Variants in SYT1 observed in about 807,000 individuals in gnomAD.
SYT1 encodes the protein synaptotagmin 1, also known as synaptotagmin-1.
In SYT1, 8 loss-of-function variants were observed where a neutral mutation model predicts 44.8. The ratio of observed to expected loss-of-function variants is 0.18; its 90% confidence interval spans 0.10 to 0.32. The LOEUF is 0.32. Among genes scored for constraint, SYT1 ranks in the 10% least tolerant of loss-of-function variants. The pLI is 1.00. For missense variants in SYT1, 286 were observed against 509.3 expected (o/e 0.56, Z 4.22); for synonymous variants, 154 against 188.8 (o/e 0.82, Z 1.51).
At chr12:79,421,180 A>G (rs545078455) in intron 9 of SYT1, among the ~76,000 whole-genome samples, 7 of 152,280 alleles carry the variant, frequency 4.6e-5, no homozygotes, top group Admixed American at 3.9e-4. Context: ...ATGAATAAAT[A>G]ATAACATTTT....
intron 9 of SYT1, among the ~76,000 whole-genome samples, chr12:79,417,541 T>G (rs909108240): frequency 6.6e-6 from 1 of 152,126 alleles, no homozygotes; most frequent in Non-Finnish European, 1.5e-5. Context: ...AATCTCATTA[T>G]GCCTCTCTCC....
chr12:79,239,662 A>G (rs1254618619), intron 4 of SYT1, among the ~76,000 whole-genome samples: 1 of 152,224 alleles, frequency 6.6e-6, no homozygotes, highest in Non-Finnish European at 1.5e-5. Flanking sequence ...CACAACGTTT[A>G]TTATCTCACA....
At chr12:79,437,021 T>C (rs1358480987) in intron 9 of SYT1, among the ~76,000 whole-genome samples, 1 of 152,052 alleles carries the variant, frequency 6.6e-6, no homozygotes, top group East Asian at 1.9e-4. Context: ...AACTAAGCTT[T>C]AGATGAGGAA....
chr12:79,291,789 A>G, intron 5 of SYT1: 2 of 655,800 alleles, frequency 3.0e-6, no homozygotes, highest in Admixed American at 2.1e-5. Context: ...GGCTTCTTCC[A>G]TCGCTTCCAT....
intron 8 of SYT1, among the ~76,000 whole-genome samples, chr12:79,309,587 C>G (rs1334684882): frequency 3.3e-5 from 5 of 152,052 alleles, no homozygotes; most frequent in Admixed American, 3.3e-4. Context: ...ATTCTTAAGA[C>G]CTGAGGAATA....
intron 1 of SYT1, among the ~76,000 whole-genome samples, chr12:78,876,576 T>C (rs1477371658): frequency 2.9e-5 from 4 of 138,406 alleles, no homozygotes; most frequent in Admixed American, 7.8e-5. Flanking sequence ...TACACACATA[T>C]ACACACACAC....
intron 2 of SYT1, among the ~76,000 whole-genome samples, chr12:78,990,395 T>G (rs1414133428): frequency 2.0e-5 from 3 of 152,194 alleles, no homozygotes; most frequent in Admixed American, 2.0e-4. Flanking sequence ...TTTTTCTGAC[T>G]TTAAAAACTA....
intron 1 of SYT1, among the ~76,000 whole-genome samples, chr12:78,933,280 A>C (rs1877856265): frequency 6.6e-6 from 1 of 152,162 alleles, no homozygotes; most frequent in Non-Finnish European, 1.5e-5. Context: ...GTCTTGTCTA[A>C]AATGAATTTG....
At chr12:79,386,884 T>A (rs1017309380) in intron 9 of SYT1, among the ~76,000 whole-genome samples, 1 of 152,148 alleles carries the variant, frequency 6.6e-6, no homozygotes, top group African/African-American at 2.4e-5. Context: ...GTGTGCACTC[T>A]CCTTATCTTT....
At chr12:79,202,930 G>A (rs181663648) in intron 3 of SYT1, among the ~76,000 whole-genome samples, 1 of 152,236 alleles carries the variant, frequency 6.6e-6, no homozygotes, top group African/African-American at 2.4e-5. Context: ...TTTACAGAAT[G>A]TAGGGAAGAC....
intron 3 of SYT1, among the ~76,000 whole-genome samples, chr12:79,115,066 C>T (rs1879206211): frequency 6.6e-6 from 1 of 152,132 alleles, no homozygotes; most frequent in African/African-American, 2.4e-5. Flanking sequence ...TGCAATTATT[C>T]TGTTATGCCT....
chr12:79,430,711 C>T (rs945755599), intron 9 of SYT1, among the ~76,000 whole-genome samples: 6 of 152,132 alleles, frequency 3.9e-5, no homozygotes, highest in Admixed American at 2.6e-4. Flanking sequence ...CACTTGAGCC[C>T]GGAGGTTGAG....
intron 4 of SYT1, among the ~76,000 whole-genome samples, chr12:79,258,548 G>A (rs1309525319): frequency 6.6e-6 from 1 of 152,184 alleles, no homozygotes; most frequent in Non-Finnish European, 1.5e-5. Context: ...AGGTGATTTT[G>A]ACTCTAAAGC....
intron 2 of SYT1, among the ~76,000 whole-genome samples, chr12:79,012,416 TTTTG>T (rs2137577663): frequency 6.6e-6 from 1 of 152,268 alleles, no homozygotes; most frequent in Non-Finnish European, 1.5e-5. Flanking sequence ...ATATCTTACT[TTTTG>T]ACCATACATA....
intron 1 of SYT1, among the ~76,000 whole-genome samples, chr12:78,923,679 C>A (rs995691795): frequency 6.6e-6 from 1 of 151,128 alleles, no homozygotes; most frequent in Non-Finnish European, 1.5e-5. Flanking sequence ...TCTCTCTCCA[C>A]CCCCCCTTTC....
intron 3 of SYT1, among the ~76,000 whole-genome samples, chr12:79,115,777 A>G (rs772841424): frequency 6.6e-6 from 1 of 152,212 alleles, no homozygotes; most frequent in Non-Finnish European, 1.5e-5. Flanking sequence ...TAAAATTTTA[A>G]CACAGTCAAC....
intron 9 of SYT1, among the ~76,000 whole-genome samples, chr12:79,372,340 C>G (rs1883824241): frequency 6.6e-6 from 1 of 152,116 alleles, no homozygotes; most frequent in African/African-American, 2.4e-5. Flanking sequence ...TCAATCAGAA[C>G]AAATCAAAAT....
chr12:79,380,180 C>A (rs764424922), intron 9 of SYT1, among the ~76,000 whole-genome samples: 9 of 152,078 alleles, frequency 5.9e-5, no homozygotes, highest in African/African-American at 2.2e-4. Context: ...GCCACCCCCA[C>A]CAAAAAATAA....
intron 3 of SYT1, among the ~76,000 whole-genome samples, chr12:79,063,138 C>G (rs2137853590): frequency 6.6e-6 from 1 of 152,268 alleles, no homozygotes; most frequent in East Asian, 1.9e-4. Context: ...TCACCTTAAT[C>G]TTTGTGAGAC....
Sources: allele counts gnomAD v4.1 joint callset (sites outside exome capture counted in the v4.1 genomes callset), GRCh38; gene constraint gnomAD v4.1.1; transcripts MANE v1.5; gene names NCBI Gene and HGNC (gene_info 2026-07-23, HGNC 2026-07-21).